The following FBXL17 variants were observed in gnomAD, a reference collection of about 807,000 sequenced individuals.
FBXL17 encodes the protein F-box/LRR-repeat protein 17.
Under a neutral mutation model 66.2 loss-of-function variants are expected in FBXL17, and 22 were observed. The ratio of observed to expected loss-of-function variants is 0.33; its 90% CI spans 0.24 to 0.47. FBXL17 has a LOEUF of 0.47. FBXL17 is among the 20% of genes least tolerant of loss of function. The pLI, the probability that FBXL17 is intolerant of heterozygous loss-of-function variation, is 1.00. For synonymous variants in FBXL17, 474 were observed against 400.5 expected (o/e 1.18, Z -2.19); for missense variants, 878 against 948.2 (o/e 0.93, Z 0.97).
chr5:108,241,665 C>G (rs1440892166), intron 4 of FBXL17, among the ~76,000 whole-genome samples: 1 of 151,972 alleles, frequency 6.6e-6, no homozygotes, highest in Non-Finnish European at 1.5e-5. Context: ...GCAGATTTAA[C>G]CCAAAGAAGA....
intron 7 of FBXL17, among the ~76,000 whole-genome samples, chr5:107,931,069 T>C (rs1750718234): frequency 6.6e-6 from 1 of 152,090 alleles, no homozygotes; most frequent in African/African-American, 2.4e-5. Context: ...GAGCAGTCGG[T>C]TGAATTGAGC....
chr5:108,329,348 T>C (rs925309346), intron 4 of FBXL17, among the ~76,000 whole-genome samples: 3 of 152,166 alleles, frequency 2.0e-5, no homozygotes, highest in Non-Finnish European at 4.4e-5. Context: ...AGGACAACTA[T>C]ACTTCTTTAA....
intron 4 of FBXL17, among the ~76,000 whole-genome samples, chr5:108,289,542 G>A (rs1384275593): frequency 6.6e-6 from 1 of 152,042 alleles, no homozygotes; most frequent in East Asian, 1.9e-4. Flanking sequence ...AGGTTTCAAG[G>A]GATGGTATGA....
chr5:108,050,196 A>C (rs1373406669), intron 6 of FBXL17, among the ~76,000 whole-genome samples: 1 of 152,346 alleles, frequency 6.6e-6, no homozygotes, highest in South Asian at 2.1e-4. Context: ...GAAAATTAAC[A>C]AGGATATTCG....
intron 4 of FBXL17, among the ~76,000 whole-genome samples, chr5:108,275,858 C>T (rs370812991): frequency 6.6e-5 from 10 of 152,288 alleles, no homozygotes; most frequent in South Asian, 4.1e-4. Context: ...TCTTTGCTGG[C>T]TCTAATCTCC....
At position 108,214,989 on chromosome 5, in the gene FBXL17, T is replaced by C. The variant is rs75121795; in HGVS notation, c.1614+9132A>G. Among the ~76,000 whole-genome samples, 503 of 152,334 alleles carry C rather than the reference T, an allele frequency of 3.3e-3. 3 individuals carry two copies. The highest frequency in any genetic ancestry group is 0.012 in the African/African-American group (481 of 41,582). Reference sequence around the variant, plus strand: ...ATAGCCTTTGTAGCTATCCTCTTTATCATAATGCTTCCAAGGCCATGTTAC... The same window carrying C: ...ATAGCCTTTGTAGCTATCCTCTTTACCATAATGCTTCCAAGGCCATGTTAC... On this transcript the variant is annotated intron_variant, in intron 5 of 8. Transcript: ENST00000542267.
intron 5 of FBXL17, among the ~76,000 whole-genome samples, chr5:108,208,159 G>C (rs374389279): frequency 3.3e-5 from 5 of 152,140 alleles, no homozygotes; most frequent in African/African-American, 1.2e-4. Flanking sequence ...CTTTTTGATG[G>C]AGTTGTTCTT....
chr5:107,905,577 A>T (rs914398943), intron 7 of FBXL17, among the ~76,000 whole-genome samples: 7 of 152,184 alleles, frequency 4.6e-5, no homozygotes, highest in Non-Finnish European at 5.9e-5. Context: ...AATACATCAA[A>T]TACACTCAAT....
At chr5:108,154,646 CACATAT>C (rs1561437229) in intron 6 of FBXL17, among the ~76,000 whole-genome samples, 4 of 128,016 alleles carry the variant, frequency 3.1e-5, no homozygotes, top group African/African-American at 1.2e-4. Flanking sequence ...CACACACACA[CACATAT>C]ATGTATATAC....
intron 6 of FBXL17, among the ~76,000 whole-genome samples, chr5:108,177,909 ATGTAT>A (rs1383703745): frequency 1.9e-4 from 10 of 51,526 alleles, no homozygotes; most frequent in South Asian, 7.5e-4. Flanking sequence ...AGAAAAAAAA[ATGTAT>A]ATATATATAT....
At chr5:107,989,480 T>C (rs4957547) in intron 7 of FBXL17, among the ~76,000 whole-genome samples, 2 of 152,030 alleles carry the variant, frequency 1.3e-5, no homozygotes, top group African/African-American at 4.8e-5. Flanking sequence ...TTTCATTCTT[T>C]TTTATGGCTG....
intron 7 of FBXL17, among the ~76,000 whole-genome samples, chr5:108,011,739 A>C (rs1274881344): frequency 6.6e-6 from 1 of 152,132 alleles, no homozygotes; most frequent in African/African-American, 2.4e-5. Flanking sequence ...CAGGAGAATC[A>C]CTGGAACCTG....
chr5:108,135,396 T>C (rs1751094491), intron 6 of FBXL17, among the ~76,000 whole-genome samples: 1 of 152,118 alleles, frequency 6.6e-6, no homozygotes, highest in Non-Finnish European at 1.5e-5. Context: ...CCCTTACATG[T>C]AAAAGGGTAA....
chr5:108,375,426 G>C (rs1293592675), intron 1 of FBXL17, among the ~76,000 whole-genome samples: 1 of 149,750 alleles, frequency 6.7e-6, no homozygotes, highest in Non-Finnish European at 1.5e-5. Context: ...AAAGAGAGAA[G>C]ACTCAAATTT....
intron 7 of FBXL17, among the ~76,000 whole-genome samples, chr5:107,885,387 A>G (rs1437318269): frequency 6.6e-6 from 1 of 152,234 alleles, no homozygotes; most frequent in Non-Finnish European, 1.5e-5. Flanking sequence ...ATTTTGACCA[A>G]GAAATTCCAT....
rs1752979088 is a variant in FBXL17, at chr5:107,985,436, G to A, written c.1822+35489C>T. Among the ~76,000 whole-genome samples, 6 of 152,306 alleles carry A rather than the reference G, an allele frequency of 3.9e-5. No individual in the cohort carries two copies. The South Asian group carries it at 1.2e-3, about 32-fold the overall frequency. On this transcript the variant is annotated intron_variant, in intron 7 of 8. Transcript: ENST00000542267. ...GATGCAGACTGTGTAGTTATTCCAG[G>A]ATTACCTTGGAGAACATTCTGTCTT... is the stretch of plus-strand genomic sequence containing the variant.
At chr5:108,283,189 G>A (rs1477082339) in intron 4 of FBXL17, among the ~76,000 whole-genome samples, 1 of 151,686 alleles carries the variant, frequency 6.6e-6, no homozygotes, top group South Asian at 2.1e-4. Context: ...AACTCAAATA[G>A]CCAAAGCAAT....
intron 6 of FBXL17, among the ~76,000 whole-genome samples, chr5:108,085,321 GACA>G (rs1748926349): frequency 1.3e-5 from 2 of 152,152 alleles, no homozygotes; most frequent in South Asian, 2.1e-4. Context: ...ATTATTATCT[GACA>G]ACAACACAGC....
chr5:108,342,584 T>A (rs1746955224), intron 4 of FBXL17, among the ~76,000 whole-genome samples: 1 of 152,204 alleles, frequency 6.6e-6, no homozygotes, highest in Non-Finnish European at 1.5e-5. Context: ...GGATTAGCAT[T>A]ACAGGTAATG....
Sources: allele counts gnomAD v4.1 joint callset (sites outside exome capture counted in the v4.1 genomes callset), GRCh38; gene constraint gnomAD v4.1.1; transcripts MANE v1.5; gene names NCBI Gene and HGNC (gene_info 2026-07-23, HGNC 2026-07-21).